The following KEAP1 variants were observed in gnomAD, a reference collection of about 807,000 sequenced individuals.
KEAP1 encodes the protein kelch-like ECH-associated protein 1.
In KEAP1, 26 loss-of-function variants were observed where a neutral mutation model predicts 59.7. The ratio of observed to expected loss-of-function variants is 0.44; its 90% CI spans 0.32 to 0.60. The LOEUF (loss-of-function observed/expected upper bound fraction) is 0.60. Ranked by LOEUF, KEAP1 falls within the 20% of genes least tolerant of loss-of-function variation. The pLI, the probability that KEAP1 is intolerant of heterozygous loss-of-function variation, is 0.06. For synonymous variants in KEAP1, 350 were observed against 358.3 expected (o/e 0.98, Z 0.26); for missense variants, 539 against 871.4 (o/e 0.62, Z 4.80).
intron 1 of KEAP1, 32 bp from the exon 2 acceptor site, chr19:10,500,112 G>C: frequency 6.9e-7 from 1 of 1,451,168 alleles, no homozygotes; most frequent in Non-Finnish European, 9.2e-7. Context: ...GCAGAGGGCA[G>C]GGGTTGGGAC....
At chr19:10,489,460 T>A (rs975691357) in intron 4 of KEAP1, 92 bp from the exon 5 acceptor site, 20 of 1,344,588 alleles carry the variant, frequency 1.5e-5, no homozygotes, top group African/African-American at 4.4e-5. Flanking sequence ...TCCTCTCTCC[T>A]CTCCCTTCTC....
At chr19:10,489,120 A>AAT in intron 5 of KEAP1, 72 bp downstream of exon 5, 17 of 920,594 alleles carry the variant, frequency 1.8e-5, no homozygotes, top group Non-Finnish European at 2.3e-5. Context: ...AAAAAAAAAA[A>AAT]GGAAAGCAAA....
At chr19:10,492,324 G>A (rs913596100) in intron 2 of KEAP1, 62 bp from the exon 3 acceptor site, 5 of 1,297,422 alleles carry the variant, frequency 3.9e-6, no homozygotes, top group Non-Finnish European at 5.5e-6. Flanking sequence ...CACCAAGCAG[G>A]ACCGGGACAA....
intron 2 of KEAP1, among the ~76,000 whole-genome samples, chr19:10,497,768 C>T (rs1914899190): frequency 6.6e-6 from 1 of 152,180 alleles, no homozygotes; most frequent in Non-Finnish European, 1.5e-5. Flanking sequence ...GTGCTGCATA[C>T]CTATAGTCCC....
At chr19:10,487,335 A>C (rs1914499632) in intron 5 of KEAP1, among the ~76,000 whole-genome samples, 1 of 151,914 alleles carries the variant, frequency 6.6e-6, no homozygotes, top group Non-Finnish European at 1.5e-5. Flanking sequence ...CAACAGAGTG[A>C]GACCCTATCT....
At position 10,495,683 on chromosome 19, in the gene KEAP1, G is replaced by A. The variant is rs189607653; in HGVS notation, c.640-3421C>T. 1.8e-3 allele frequency among the ~76,000 whole-genome samples: 269 copies of A among 151,754 alleles called. 1 individual carries two copies. The highest frequency in any genetic ancestry group is 6.2e-3 in the African/African-American group (257 of 41,384). On this transcript the variant is annotated intron_variant, in intron 2 of 5. Coordinates refer to ENST00000171111, the MANE Select transcript of KEAP1 (RefSeq NM_203500.2). Reference sequence around the variant, plus strand: ...ACTGTACTCCAGCCTGAGCAACAGAGTGAGACTCCATCTCCAAAAAAAAAA... The same window carrying A: ...ACTGTACTCCAGCCTGAGCAACAGAATGAGACTCCATCTCCAAAAAAAAAA...
At chr19:10,487,038 A>T (rs1327543570) in intron 5 of KEAP1, among the ~76,000 whole-genome samples, 2 of 8,374 alleles carry the variant, frequency 2.4e-4, no homozygotes, top group Admixed American at 1.3e-3. Context: ...TCTCTTACTA[A>T]AAAAAAAAAA....
At position 10,499,663 on chromosome 19, in the gene KEAP1, G is replaced by T. The variant is rs2144627236; in HGVS notation, c.371C>A (p.Ser124Tyr). Residue 124 changes from serine to tyrosine, a missense_variant, in exon 2 of 6, where the codon TCC (serine) becomes TAC (tyrosine). By Grantham distance (144) the Ser-to-Tyr change is moderately radical. Around this residue, in one of 4 missense-constraint regions of KEAP1, gnomAD observed 166 missense variants for 295.8 expected, o/e 0.56. Coordinates refer to ENST00000171111, the MANE Select transcript of KEAP1 (RefSeq NM_203500.2). This position sits in a 1 kb window ranked among gnomAD's most constrained non-coding sequence, Gnocchi z 6.7. ...GACCTTGGGGTGGATACCCTCAATG[G>T]ACACCACCTCCATGCCCTGCTCCCG... ...GLREQGMEVV[S>Y]IEGIHPKVME... 1 of 1,614,066 alleles carries T rather than the reference G, an allele frequency of 6.2e-7. No individual in the cohort carries two copies.
Position 10,492,049 on chromosome 19 carries a change from G to A in KEAP1, c.853C>T (p.Leu285=). The stretch of plus-strand genomic sequence containing the variant: ...GACTGCAGGATCTCGCACTTCTGCA[G>A]CTGCATCTGCAGGAAGTTCGGCGTC... ...SLTPNFLQMQ[L]QKCEILQSDS... is the part of the protein sequence containing the mutation. The change falls in exon 3 of 6, where the codon CTG becomes TTG. Residue 285 remains leucine (L), a synonymous_variant. Transcript: ENST00000171111. The A allele has an allele frequency of 6.2e-7, 1 of 1,614,076 alleles. No individual in the cohort carries two copies. The highest frequency in any genetic ancestry group is 8.5e-7 in the Non-Finnish European group (1 of 1,180,056).
chr19:10,499,685 C>A lies in KEAP1; in HGVS notation c.349G>T (p.Glu117Ter), dbSNP rs1914971158. 6.2e-7 allele frequency: 1 copy of A among 1,614,070 alleles called. No individual in the cohort carries two copies. Among genetic ancestry groups the A allele is most frequent in the African/African-American group, 1.3e-5 (1 of 74,944 alleles). ...FKAMFTNGLR[E>*]QGMEVVSIEG... is the part of the protein sequence containing the mutation. Reference sequence around the variant, plus strand: ...ATGGACACCACCTCCATGCCCTGCTCCCGCAGCCCGTTGGTGAACATGGCC... The same window carrying A: ...ATGGACACCACCTCCATGCCCTGCTACCGCAGCCCGTTGGTGAACATGGCC... Residue 117 changes from glutamate (E) to a stop codon, truncating the protein, a stop_gained, in exon 2 of 6, where the codon GAG becomes TAG. Transcript: ENST00000171111. LOFTEE classifies it high-confidence loss of function. The surrounding 1 kb of genome is among the most constrained non-coding windows in gnomAD (Gnocchi z 6.7).
chr19:10,495,411 G>A (rs376786954), intron 2 of KEAP1, among the ~76,000 whole-genome samples: 65 of 152,162 alleles, frequency 4.3e-4, no homozygotes, highest in African/African-American at 1.5e-3. Context: ...ACAAGTGACA[G>A]CTCTGGGCCA....
chr19:10,488,968 G>A (rs914396026), intron 5 of KEAP1, among the ~76,000 whole-genome samples: 4 of 151,654 alleles, frequency 2.6e-5, no homozygotes, highest in Non-Finnish European at 5.9e-5. Context: ...GGTGGTGCGC[G>A]CCTGTGGTCC....
rs372588031 is a variant in KEAP1, at chr19:10,486,792, C to G, written c.1735G>C (p.Asp579His). The G allele has an allele frequency of 8.1e-6, 13 of 1,613,690 alleles. No individual in the cohort carries two copies. Among genetic ancestry groups the G allele is most frequent in the Non-Finnish European group, 1.0e-5 (12 of 1,179,918 alleles). Residue 579 changes from aspartate (D) to histidine (H), a missense_variant, in exon 6 of 6, where the codon GAC becomes CAC. By Grantham distance (81) the Asp-to-His change is moderately conservative. Transcript: ENST00000171111. ...TCTGGGTCGTAACACTCCACACTGT[C>G]CAGGAACGTGTGACCATCATAGCCT... ...LGGYDGHTFL[D>H]SVECYDPDTD... is the part of the protein sequence containing the mutation.
rs1915087005 is a variant in KEAP1 at position 10,502,723 on chromosome 19, C to G, written c.-48+518G>C. 6.6e-6 allele frequency: 1 copy of G among 152,084 alleles called. No individual in the cohort carries two copies. Among genetic ancestry groups the G allele is most frequent in the Admixed American group, 6.6e-5 (1 of 15,262 alleles). The allele number at this position is 152,084 out of a possible 1,614,324, so 9.4% of individuals were successfully genotyped here. On this transcript the variant is annotated intron_variant, in intron 1 of 5. Transcript: ENST00000171111. The surrounding 1 kb of genome is among the most constrained non-coding windows in gnomAD (Gnocchi z 4.0). ...CCGCCATGGCCGCGCTCCGGCTCCG[C>G]CTCCACCGCCCGAGCCCCGGCGCCT... is the stretch of plus-strand genomic sequence containing the variant.
At chr19:10,492,353 T>C in intron 2 of KEAP1, 91 bp from the exon 3 acceptor site, 1 of 914,360 alleles carries the variant, frequency 1.1e-6, no homozygotes, top group Non-Finnish European at 1.7e-6. Context: ...TCACTGCCGC[T>C]GACAGTCTCA....
Position 10,499,847 on chromosome 19 carries a change from C to A in KEAP1, c.187G>T (p.Ala63Ser), listed in dbSNP as rs2144629409. 1 of 1,613,880 alleles carries A rather than the reference C, an allele frequency of 6.2e-7. No homozygotes were observed. The highest frequency in any genetic ancestry group is 8.5e-7 in the Non-Finnish European group (1 of 1,179,986). The part of the protein sequence containing the change: ...SYTLEDHTKQ[A>S]FGIMNELRLS... Reference sequence around the variant, plus strand: ...CGCAGCTCGTTCATGATGCCAAAGGCCTGCTTGGTATGATCCTCCAGGGTG... The same window carrying A: ...CGCAGCTCGTTCATGATGCCAAAGGACTGCTTGGTATGATCCTCCAGGGTG... Residue 63 changes from alanine (A) to serine (S), a missense_variant, in exon 2 of 6, where the codon GCC (alanine) becomes TCC (serine). Coordinates refer to ENST00000171111, the MANE Select transcript of KEAP1 (RefSeq NM_203500.2). The surrounding 1 kb of genome is among the most constrained non-coding windows in gnomAD (Gnocchi z 6.7).
chr19:10,490,336 C>CT (rs60137738), intron 3 of KEAP1: 23 of 98,094 alleles, frequency 2.3e-4, no homozygotes, highest in East Asian at 3.5e-4. Flanking sequence ...AAGCTTCAAA[C>CT]TTTTTTTTTT....
At chr19:10,498,583 T>C (rs1474457387) in intron 2 of KEAP1, among the ~76,000 whole-genome samples, 1 of 152,128 alleles carries the variant, frequency 6.6e-6, no homozygotes, top group East Asian at 1.9e-4. Context: ...ATAAGGACAT[T>C]GTGTGGACCA....
intron 2 of KEAP1, among the ~76,000 whole-genome samples, chr19:10,493,996 C>T (rs906812991): frequency 6.6e-6 from 1 of 152,040 alleles, no homozygotes; most frequent in Non-Finnish European, 1.5e-5. Context: ...GGCTGTAGTG[C>T]AGTGGCACAA....
Sources: gnomAD v4.1 joint callset for allele counts (sites outside exome capture counted in the v4.1 genomes callset) on GRCh38, gnomAD v4.1.1 for gene constraint, gnomAD v4.1.1 regional missense constraint, Gnocchi (gnomAD v3.1) non-coding constraint, MANE v1.5 for transcripts, NCBI Gene and HGNC (gene_info 2026-07-23, HGNC 2026-07-21) for gene names.